Variants in KCND2 observed in about 807,000 individuals in gnomAD.
KCND2 encodes A-type voltage-gated potassium channel KCND2.
Under a neutral mutation model 54.4 loss-of-function variants are expected in KCND2, and 16 were observed. That is an observed-to-expected ratio of 0.29 (90% confidence interval 0.20 to 0.45). KCND2 has a LOEUF of 0.45. Among genes scored for constraint, KCND2 ranks in the 20% least tolerant of loss-of-function variants. KCND2 has a pLI of 1.00. For missense variants in KCND2, 486 were observed against 824.2 expected (o/e 0.59, Z 5.02); for synonymous variants, 317 against 310.7 (o/e 1.02, Z -0.21).
chr7:120,415,727 A>G (rs1801515425), intron 1 of KCND2, among the ~76,000 whole-genome samples: 1 of 152,178 alleles, frequency 6.6e-6, no homozygotes, highest in Non-Finnish European at 1.5e-5. Context: ...CCAGTGACCC[A>G]TGATTATATC....
At chr7:120,635,970 T>C (rs1428389490) in intron 1 of KCND2, among the ~76,000 whole-genome samples, 2 of 152,144 alleles carry the variant, frequency 1.3e-5, no homozygotes, top group Admixed American at 6.6e-5. Context: ...GGGATATTTA[T>C]ATAAAAATCT....
At chr7:120,310,834 G>A (rs1799726134) in intron 1 of KCND2, among the ~76,000 whole-genome samples, 1 of 151,502 alleles carries the variant, frequency 6.6e-6, no homozygotes, top group Non-Finnish European at 1.5e-5. Flanking sequence ...CACTCAGGAA[G>A]CTGAGGCACA....
intron 1 of KCND2, among the ~76,000 whole-genome samples, chr7:120,657,394 A>C (rs932197217): frequency 6.6e-6 from 1 of 152,142 alleles, no homozygotes; most frequent in African/African-American, 2.4e-5. Flanking sequence ...TTTATCTGCC[A>C]TTATTATACT....
At chr7:120,597,985 T>G (rs1204681680) in intron 1 of KCND2, among the ~76,000 whole-genome samples, 1 of 151,938 alleles carries the variant, frequency 6.6e-6, no homozygotes, top group Non-Finnish European at 1.5e-5. Context: ...GAGATTTGTT[T>G]GCAGATTCTA....
At chr7:120,402,283 G>A (rs1801273236) in intron 1 of KCND2, among the ~76,000 whole-genome samples, 1 of 151,770 alleles carries the variant, frequency 6.6e-6, no homozygotes, top group Non-Finnish European at 1.5e-5. Flanking sequence ...AATTAAGGAA[G>A]CTTCCCATGT....
intron 1 of KCND2, among the ~76,000 whole-genome samples, chr7:120,340,705 AG>A (rs1342445568): frequency 6.6e-6 from 1 of 152,180 alleles, no homozygotes; most frequent in Non-Finnish European, 1.5e-5. Context: ...GATCTTGACA[AG>A]GATGCTTTTG....
At position 120,275,689 on chromosome 7, in the gene KCND2, A is replaced by G. The variant is rs776474066; in HGVS notation, c.1057A>G (p.Lys353Glu). The G allele has an allele frequency of 1.2e-6, 2 of 1,602,044 alleles. No homozygotes were observed. The highest frequency in any genetic ancestry group is 2.2e-5 in the East Asian group (1 of 44,862). The stretch of plus-strand genomic sequence containing the variant: ...CGCAGAGAAGGGGTCTTCGGCTAGC[A>G]AGTTCACCAGCATCCCTGCAGCCTT... Reference protein sequence around the residue: ...FYAEKGSSASKFTSIPAAFWY... With the variant: ...FYAEKGSSASEFTSIPAAFWY... Residue 353 changes from lysine (K) to glutamate (E), a missense_variant, in exon 1 of 6, where the codon AAG becomes GAG. By Grantham distance (56) the Lys-to-Glu change is moderately conservative. Coordinates refer to ENST00000331113, the MANE Select transcript of KCND2 (RefSeq NM_012281.3).
chr7:120,366,501 G>A (rs1364781753), intron 1 of KCND2, among the ~76,000 whole-genome samples: 5 of 145,746 alleles, frequency 3.4e-5, no homozygotes, highest in African/African-American at 5.1e-5. Flanking sequence ...AAAAAAAAAA[G>A]GGAGGGAGGG....
rs1365121633 is a variant in KCND2, at chr7:120,471,241, A to G, written c.1115+195494A>G. ...TGGGGATCAACTGGAAACTTAAGTT[A>G]TTATCTTTGTCATCATCTTTCCTTG... On this transcript the variant is annotated intron_variant, in intron 1 of 5. Transcript: ENST00000331113. Among the ~76,000 whole-genome samples the G allele has an allele frequency of 2.6e-5, 4 of 152,066 alleles. 1 individual carries two copies. Among genetic ancestry groups the G allele is most frequent in the Middle Eastern group, 3.2e-3 (1 of 316 alleles).
At chr7:120,327,576 C>T (rs913982730) in intron 1 of KCND2, among the ~76,000 whole-genome samples, 2 of 152,032 alleles carry the variant, frequency 1.3e-5, no homozygotes, top group Non-Finnish European at 2.9e-5. Context: ...ATTAATAACA[C>T]TATAGGAAAT....
chr7:120,628,463 C>T (rs1793188650), intron 1 of KCND2, among the ~76,000 whole-genome samples: 1 of 151,742 alleles, frequency 6.6e-6, no homozygotes, highest in East Asian at 2.0e-4. Context: ...AGCTGCAACA[C>T]TGCCAACCAA....
chr7:120,385,805 G>T (rs1420771006), intron 1 of KCND2, among the ~76,000 whole-genome samples: 1 of 152,092 alleles, frequency 6.6e-6, no homozygotes, highest in East Asian at 1.9e-4. Context: ...CGGTATTTTT[G>T]TAGGATCCTC....
At chr7:120,525,217 T>G (rs1184597618) in intron 1 of KCND2, among the ~76,000 whole-genome samples, 13 of 152,164 alleles carry the variant, frequency 8.5e-5, no homozygotes, top group African/African-American at 3.1e-4. Flanking sequence ...GCCAATCACT[T>G]GAACATTCTT....
At chr7:120,543,120 T>C (rs978222410) in intron 1 of KCND2, among the ~76,000 whole-genome samples, 1 of 152,044 alleles carries the variant, frequency 6.6e-6, no homozygotes, top group Non-Finnish European at 1.5e-5. Context: ...GGAATTTCTT[T>C]AAAAATCCAA....
At chr7:120,576,637 T>G (rs1453864830) in intron 1 of KCND2, among the ~76,000 whole-genome samples, 1 of 152,128 alleles carries the variant, frequency 6.6e-6, no homozygotes, top group Non-Finnish European at 1.5e-5. Flanking sequence ...TTTTCAGTTG[T>G]ATGAGTGAAT....
intron 1 of KCND2, among the ~76,000 whole-genome samples, chr7:120,692,829 G>C (rs906085526): frequency 5.9e-5 from 9 of 152,310 alleles, no homozygotes; most frequent in African/African-American, 1.9e-4. Context: ...TACTCATTAA[G>C]ATGAAACTCC....
At position 120,274,716 on chromosome 7, in the gene KCND2, G is replaced by T. The variant is rs773004768; in HGVS notation, c.84G>T (p.Pro28=). 6.2e-7 allele frequency: 1 copy of T among 1,613,940 alleles called. No homozygotes were observed. The highest frequency in any genetic ancestry group is 1.1e-5 in the South Asian group (1 of 91,078). ...GWMPVASGPM[P]APPRQERKRT... ...TGCCTGTGGCCTCGGGGCCTATGCCGGCTCCCCCGAGGCAGGAGAGGAAAA... is the reference window on the plus strand; with the variant it reads ...TGCCTGTGGCCTCGGGGCCTATGCCTGCTCCCCCGAGGCAGGAGAGGAAAA... Residue 28 remains proline (P), a synonymous_variant, in exon 1 of 6, where the codon CCG becomes CCT. Transcript: ENST00000331113.
At chr7:120,556,380 A>G (rs1038729312) in intron 1 of KCND2, among the ~76,000 whole-genome samples, 10 of 152,202 alleles carry the variant, frequency 6.6e-5, no homozygotes, top group Admixed American at 2.0e-4. Context: ...TGACCCAGCC[A>G]TTCTGCATGC....
intron 1 of KCND2, among the ~76,000 whole-genome samples, chr7:120,407,287 G>A (rs1161957340): frequency 1.3e-5 from 2 of 151,964 alleles, no homozygotes; most frequent in African/African-American, 2.4e-5. Flanking sequence ...AGTTTTATTG[G>A]CTCTATTGTG....
Sources: allele counts gnomAD v4.1 joint callset (sites outside exome capture counted in the v4.1 genomes callset), GRCh38; gene constraint gnomAD v4.1.1; transcripts MANE v1.5; gene names NCBI Gene and HGNC (gene_info 2026-07-23, HGNC 2026-07-21).